LRRC38: variants seen among roughly 807,000 people sequenced by gnomAD.
LRRC38 encodes leucine-rich repeat-containing protein 38.
Under a neutral mutation model 16.4 loss-of-function variants are expected in LRRC38, and 5 were observed. The ratio of observed to expected loss-of-function variants is 0.31; its 90% CI spans 0.16 to 0.64. LRRC38 has a LOEUF of 0.64. Among genes scored for constraint, LRRC38 ranks in the 30% least tolerant of loss-of-function variants. LRRC38 has a pLI of 0.80. For synonymous variants in LRRC38, 191 were observed against 190.2 expected (o/e 1.00, Z -0.04); for missense variants, 341 against 401.8 (o/e 0.85, Z 1.29).
chr1:13,510,110 T>C (rs1639258137), intron 1 of LRRC38, among the ~76,000 whole-genome samples: 2 of 152,170 alleles, frequency 1.3e-5, no homozygotes, highest in African/African-American at 2.4e-5. Flanking sequence ...TCTGTCTTGC[T>C]TCTCTGGGGG....
chr1:13,478,131 C>T (rs112616053), intron 1 of LRRC38, among the ~76,000 whole-genome samples: 256 of 152,238 alleles, frequency 1.7e-3, no homozygotes, highest in African/African-American at 4.7e-3. Context: ...ATTCAAATGA[C>T]GACCATGATT....
chr1:13,491,649 T>C (rs1639013675), intron 1 of LRRC38, among the ~76,000 whole-genome samples: 1 of 152,018 alleles, frequency 6.6e-6, no homozygotes, highest in Non-Finnish European at 1.5e-5. Flanking sequence ...TAAGATGATA[T>C]ATTTAAATCT....
At chr1:13,508,666 T>C (rs889607651) in intron 1 of LRRC38, among the ~76,000 whole-genome samples, 11 of 152,254 alleles carry the variant, frequency 7.2e-5, no homozygotes, top group Non-Finnish European at 1.6e-4. Flanking sequence ...AACAGGAGCC[T>C]GTATTTTTAT....
rs111759893 is a variant in LRRC38 at position 13,492,339 on chromosome 1, G to A, written c.632-16240C>T. On this transcript the variant is annotated intron_variant, in intron 1 of 1. Transcript: ENST00000376085. Reference sequence around the variant, plus strand: ...ATAATCCATTTCATGGATAGACAACGTGTTGTTGTTACATTTATTTGGAGG... The same window carrying A: ...ATAATCCATTTCATGGATAGACAACATGTTGTTGTTACATTTATTTGGAGG... Among the ~76,000 whole-genome samples, 899 of 152,284 alleles carry A rather than the reference G, an allele frequency of 5.9e-3. 10 individuals are homozygous for A. The highest frequency in any genetic ancestry group is 0.021 in the African/African-American group (866 of 41,544).
chr1:13,498,370 A>C (rs569272790), intron 1 of LRRC38, among the ~76,000 whole-genome samples: 2 of 152,236 alleles, frequency 1.3e-5, no homozygotes, highest in East Asian at 3.9e-4. Context: ...AGTGGCTCAC[A>C]CTTGTAATCT....
Position 13,498,662 on chromosome 1 carries a change from C to CA in LRRC38, c.631+14300dup, listed in dbSNP as rs750176620. Among the ~76,000 whole-genome samples the CA allele has an allele frequency of 1.2e-4, 18 of 152,016 alleles. No homozygotes were observed. The East Asian group carries it at 3.5e-3, about 29-fold the overall frequency. ...CAAAACAAAATAAAAACCAAATAAA[C>CA]AAAAAAACCTAAGGGCTGGACCCAT... On this transcript the variant is annotated intron_variant, in intron 1 of 1. Coordinates refer to ENST00000376085, the MANE Select transcript of LRRC38 (RefSeq NM_001010847.2).
intron 1 of LRRC38, among the ~76,000 whole-genome samples, chr1:13,480,226 T>A (rs2100489494): frequency 6.6e-6 from 1 of 152,312 alleles, no homozygotes; most frequent in Non-Finnish European, 1.5e-5. Flanking sequence ...ATGCCTGTAA[T>A]CCCAGCTACT....
intron 1 of LRRC38, among the ~76,000 whole-genome samples, chr1:13,490,179 CAG>C (rs1557498724): frequency 1.3e-5 from 2 of 152,062 alleles, no homozygotes; most frequent in Admixed American, 6.5e-5. Flanking sequence ...TGTTTTTAGA[CAG>C]AGTCTCACTC....
intron 1 of LRRC38, among the ~76,000 whole-genome samples, chr1:13,510,569 A>G (rs1639262561): frequency 6.6e-6 from 1 of 150,614 alleles, no homozygotes; most frequent in Non-Finnish European, 1.5e-5. Context: ...AGTAAGAAGT[A>G]GAGGCAGGAT....
intron 1 of LRRC38, among the ~76,000 whole-genome samples, chr1:13,508,609 T>G (rs1639239386): frequency 6.6e-6 from 1 of 152,206 alleles, no homozygotes; most frequent in Non-Finnish European, 1.5e-5. Flanking sequence ...GGATTCTGGG[T>G]ACCTTTTATT....
At chr1:13,477,696 G>C (rs956941705) in intron 1 of LRRC38, among the ~76,000 whole-genome samples, 6 of 152,128 alleles carry the variant, frequency 3.9e-5, no homozygotes, top group African/African-American at 1.4e-4. Context: ...AAATTAGCCA[G>C]GTGTGGTGGT....
chr1:13,497,055 C>T (rs1639088799), intron 1 of LRRC38, among the ~76,000 whole-genome samples: 1 of 152,066 alleles, frequency 6.6e-6, no homozygotes, highest in East Asian at 1.9e-4. Flanking sequence ...CTGGGGTGCC[C>T]AGGCCAGCGT....
rs1405897667 is a variant in LRRC38 at position 13,498,248 on chromosome 1, AC to A, written c.631+14714del. On this transcript the variant is annotated intron_variant, in intron 1 of 1. Transcript: ENST00000376085. ...CAACCAAAAAACAAAACAAAACAAA[AC>A]AAAAAAAAAAAGAGCCCAGTTTGTG... 1.1e-4 allele frequency among the ~76,000 whole-genome samples: 14 copies of A among 123,820 alleles called. No homozygotes were observed. The East Asian group carries it at 2.2e-3, about 19-fold the overall frequency. 81.2% of individuals were successfully genotyped at this position (123,820 alleles called of 152,430 possible).
At chr1:13,501,855 T>C (rs1639154366) in intron 1 of LRRC38, among the ~76,000 whole-genome samples, 1 of 152,016 alleles carries the variant, frequency 6.6e-6, no homozygotes, top group African/African-American at 2.4e-5. Flanking sequence ...GCACCATTCC[T>C]GGGTTCACAC....
intron 1 of LRRC38, among the ~76,000 whole-genome samples, chr1:13,511,615 G>A (rs1327419401): frequency 6.6e-6 from 1 of 152,092 alleles, no homozygotes; most frequent in African/African-American, 2.4e-5. Context: ...AAAAGGAAAG[G>A]CAGAAGCAAG....
At position 13,512,944 on chromosome 1, in the gene LRRC38, C is replaced by T; in HGVS notation, c.631+19G>A. 6.5e-7 allele frequency: 1 copy of T among 1,531,036 alleles called. No homozygotes were observed. The highest frequency in any genetic ancestry group is 8.8e-7 in the Non-Finnish European group (1 of 1,134,600). The allele number at this position is 1,531,036 out of a possible 1,614,324, so 94.8% of individuals were successfully genotyped here. A position where few individuals can be genotyped will look rare whatever the true frequency, so the allele number is the denominator to read the frequency against. ...CTGCCCCCCTCCCTCCCTCCCCCAGCCTAGCCGGCTCGGCTCACCTTTGGG... is the reference window on the plus strand; with the variant it reads ...CTGCCCCCCTCCCTCCCTCCCCCAGTCTAGCCGGCTCGGCTCACCTTTGGG... On this transcript the variant is annotated intron_variant, in intron 1 of 1. Transcript: ENST00000376085.
chr1:13,475,153 A>C lies in LRRC38; in HGVS notation c.*693T>G, dbSNP rs12043808. The stretch of plus-strand genomic sequence containing the variant: ...AAGGAGCTCTCTGGGGCCACCTTTC[A>C]TGAGGGCACTAATCCCATCATTTGG... On this transcript the variant is annotated 3_prime_UTR_variant, in exon 2 of 2. Coordinates refer to ENST00000376085, the MANE Select transcript of LRRC38 (RefSeq NM_001010847.2). This position sits in a 1 kb window ranked among gnomAD's most constrained non-coding sequence, Gnocchi z 4.3. 0.094 allele frequency: 14,377 copies of C among 152,192 alleles called. 868 individuals are homozygous for C. Among genetic ancestry groups the C allele is most frequent in the East Asian group, 0.23 (1,176 of 5,152 alleles). The allele number at this position is 152,192 out of a possible 1,614,324, so 9.4% of individuals were successfully genotyped here.
In LRRC38 at chr1:13,513,516, G is replaced by T. The variant is rs1201212768; in HGVS notation, c.78C>A (p.His26Gln). The change falls in exon 1 of 2, where the codon CAC (histidine) becomes CAA (glutamine). Residue 26 changes from histidine (H) to glutamine (Q), a missense_variant. Transcript: ENST00000376085. The part of the protein sequence containing the change: ...CSLLLLLAPG[H>Q]ACPAGCACTD... ...TGCAGGCGCAGCCCGCGGGGCACGC[G>T]TGCCCGGGCGCGAGCAGCAGCAGAA... 1 of 1,445,404 alleles carries T rather than the reference G, an allele frequency of 6.9e-7. No homozygotes were observed. The highest frequency in any genetic ancestry group is 9.1e-7 in the Non-Finnish European group (1 of 1,100,604). The allele number at this position is 1,445,404 out of a possible 1,614,324, so 89.5% of individuals were successfully genotyped here. A position where few individuals can be genotyped will look rare whatever the true frequency, so the allele number is the denominator to read the frequency against.
chr1:13,504,871 G>GAAAGAT (rs1365049505), intron 1 of LRRC38, among the ~76,000 whole-genome samples: 2 of 151,726 alleles, frequency 1.3e-5, no homozygotes, highest in Non-Finnish European at 2.9e-5. Context: ...AAGAAAAAGA[G>GAAAGAT]AAAGAAAAGA....
Sources: allele counts gnomAD v4.1 joint callset (sites outside exome capture counted in the v4.1 genomes callset), GRCh38; gene constraint gnomAD v4.1.1; non-coding constraint Gnocchi (gnomAD v3.1); transcripts MANE v1.5; gene names NCBI Gene and HGNC (gene_info 2026-07-23, HGNC 2026-07-21).